The following GRM8 variants were observed in gnomAD, a reference collection of about 807,000 sequenced individuals.
GRM8 encodes metabotropic glutamate receptor 8.
In GRM8, 47 loss-of-function variants were observed where a neutral mutation model predicts 87.2. The observed-to-expected ratio is 0.54, with a 90% CI of 0.43 to 0.69. The LOEUF (loss-of-function observed/expected upper bound fraction) is 0.69. Ranked by LOEUF, GRM8 falls within the 30% of genes least tolerant of loss-of-function variation. GRM8 has a pLI of 0.00. For missense variants in GRM8, 1,019 were observed against 1,139.2 expected (o/e 0.89, Z 1.52); for synonymous variants, 396 against 404.5 (o/e 0.98, Z 0.25).
intron 3 of GRM8, among the ~76,000 whole-genome samples, chr7:126,909,794 A>G (rs1409966960): frequency 2.6e-5 from 4 of 152,130 alleles, no homozygotes; most frequent in Admixed American, 1.3e-4. Flanking sequence ...GAAGGTTTGC[A>G]TCATGACCAT....
intron 2 of GRM8, among the ~76,000 whole-genome samples, chr7:127,114,719 T>C (rs1369492591): frequency 6.6e-6 from 1 of 152,240 alleles, no homozygotes; most frequent in Non-Finnish European, 1.5e-5. Context: ...TTTTTGTATC[T>C]ATATCTGCCT....
intron 3 of GRM8, among the ~76,000 whole-genome samples, chr7:126,979,152 T>C (rs1212349971): frequency 6.6e-6 from 1 of 152,208 alleles, no homozygotes; most frequent in Non-Finnish European, 1.5e-5. Context: ...GCTCAATACA[T>C]GATATTGATA....
intron 3 of GRM8, among the ~76,000 whole-genome samples, chr7:126,932,802 A>T (rs894708545): frequency 6.6e-6 from 1 of 152,180 alleles, no homozygotes; most frequent in African/African-American, 2.4e-5. Flanking sequence ...AAAGAAGAAA[A>T]ATTCAAAAGA....
chr7:126,590,411 G>T (rs1796569330), intron 8 of GRM8, among the ~76,000 whole-genome samples: 1 of 151,844 alleles, frequency 6.6e-6, no homozygotes, highest in Admixed American at 6.6e-5. Flanking sequence ...AAGAATAATT[G>T]GTATTCCTGA....
intron 1 of GRM8, among the ~76,000 whole-genome samples, chr7:127,251,481 C>T (rs933314943): frequency 1.3e-5 from 2 of 152,192 alleles, no homozygotes; most frequent in African/African-American, 2.4e-5. Context: ...CTATCTCTAC[C>T]ATAACAGCGA....
chr7:126,573,559 C>G (rs971766481), intron 8 of GRM8, among the ~76,000 whole-genome samples: 2 of 151,138 alleles, frequency 1.3e-5, no homozygotes, highest in Non-Finnish European at 3.0e-5. Context: ...TAAACAAATT[C>G]TTACCTTTAT....
intron 7 of GRM8, among the ~76,000 whole-genome samples, chr7:126,609,720 A>C (rs2151100803): frequency 6.6e-6 from 1 of 152,338 alleles, no homozygotes; most frequent in South Asian, 2.1e-4. Flanking sequence ...TGTACATATT[A>C]GAAAGTAAAT....
intron 7 of GRM8, among the ~76,000 whole-genome samples, chr7:126,611,426 C>G (rs533762815): frequency 5.3e-5 from 8 of 152,122 alleles, no homozygotes; most frequent in African/African-American, 1.9e-4. Flanking sequence ...TCAGTACACA[C>G]CAACACATAG....
In GRM8 at chr7:126,957,863, C is replaced by T. The variant is rs183332473; in HGVS notation, c.728-53180G>A. Among the ~76,000 whole-genome samples the T allele has an allele frequency of 3.0e-3, 452 of 152,318 alleles. 1 individual carries two copies. The highest frequency in any genetic ancestry group is 0.01 in the African/African-American group (432 of 41,592). ...CCAGGGATGCCCTGAAGCCCGGGGGCAGGGCTGCCCATTCCAGGTGGAGTC... is the reference window on the plus strand; with the variant it reads ...CCAGGGATGCCCTGAAGCCCGGGGGTAGGGCTGCCCATTCCAGGTGGAGTC... On this transcript the variant is annotated intron_variant, in intron 3 of 10. Transcript: ENST00000339582.
chr7:126,802,956 G>A (rs1244261078), intron 6 of GRM8, among the ~76,000 whole-genome samples: 1 of 152,138 alleles, frequency 6.6e-6, no homozygotes, highest in Non-Finnish European at 1.5e-5. Context: ...CCACAAACCT[G>A]GTGAACAGGC....
At chr7:127,091,399 A>ATC (rs1824059746) in intron 3 of GRM8, among the ~76,000 whole-genome samples, 2 of 17,808 alleles carry the variant, frequency 1.1e-4, no homozygotes, top group East Asian at 1.9e-3. Flanking sequence ...TCATCCCCCC[A>ATC]CCACCATCCC....
At chr7:126,705,921 G>A (rs1810466546) in intron 7 of GRM8, among the ~76,000 whole-genome samples, 1 of 152,014 alleles carries the variant, frequency 6.6e-6, no homozygotes, top group South Asian at 2.1e-4. Flanking sequence ...TATGTTATGG[G>A]CTGTCTGGTT....
At chr7:126,560,373 A>T (rs1793577768) in intron 8 of GRM8, among the ~76,000 whole-genome samples, 2 of 152,174 alleles carry the variant, frequency 1.3e-5, no homozygotes, top group South Asian at 4.1e-4. Flanking sequence ...AAATTACTGT[A>T]TTCTTGGATC....
chr7:127,168,820 A>T (rs1293800223), intron 2 of GRM8, among the ~76,000 whole-genome samples: 2 of 151,910 alleles, frequency 1.3e-5, no homozygotes, highest in African/African-American at 4.8e-5. Flanking sequence ...ACACATGGAC[A>T]CAGGAAGGGG....
chr7:126,773,808 C>T (rs946702184), intron 6 of GRM8, among the ~76,000 whole-genome samples: 1 of 152,040 alleles, frequency 6.6e-6, no homozygotes, highest in Admixed American at 6.6e-5. Context: ...CCAGCCTGGG[C>T]AGCAGAGTGA....
intron 2 of GRM8, among the ~76,000 whole-genome samples, chr7:127,225,999 A>T (rs1236161215): frequency 1.3e-5 from 2 of 152,184 alleles, no homozygotes; most frequent in Non-Finnish European, 2.9e-5. Context: ...CATTATTCCA[A>T]ATATAAGGGT....
At chr7:126,467,890 C>G (rs1349086759) in intron 9 of GRM8, among the ~76,000 whole-genome samples, 1 of 151,956 alleles carries the variant, frequency 6.6e-6, no homozygotes, top group Non-Finnish European at 1.5e-5. Context: ...CTTCCATTTA[C>G]CATTCTCAGA....
At chr7:126,513,302 C>T (rs558097345) in intron 9 of GRM8, among the ~76,000 whole-genome samples, 6 of 151,976 alleles carry the variant, frequency 3.9e-5, no homozygotes, top group East Asian at 1.9e-4. Flanking sequence ...CCTGACCCTT[C>T]GGGTATTTTT....
chr7:126,801,147 C>T (rs10267858), intron 6 of GRM8, among the ~76,000 whole-genome samples: 11,748 of 152,088 alleles, frequency 0.077, 1,445 homozygotes, highest in African/African-American at 0.26. Context: ...CAAAGCCATG[C>T]TATAACACCT....
Sources: allele counts gnomAD v4.1 joint callset (sites outside exome capture counted in the v4.1 genomes callset), GRCh38; gene constraint gnomAD v4.1.1; transcripts MANE v1.5; gene names NCBI Gene and HGNC (gene_info 2026-07-23, HGNC 2026-07-21).